The following ASIP variants were observed in gnomAD, a reference collection of about 807,000 sequenced individuals.
ASIP encodes agouti-signaling protein.
A neutral mutation model predicts 10.3 loss-of-function variants in ASIP; 11 were observed. The ratio of observed to expected loss-of-function variants is 1.07; its 90% CI spans 0.68 to 1.78. The LOEUF is 1.78. Ranked by LOEUF, ASIP falls within the 40% of genes most tolerant of loss-of-function variation. The pLI, the probability that ASIP is intolerant of heterozygous loss-of-function variation, is 0.00. For missense variants in ASIP, 180 were observed against 169.2 expected (o/e 1.06, Z -0.35); for synonymous variants, 70 against 70.8 (o/e 0.99, Z 0.06).
the ASIP span, among the ~76,000 whole-genome samples, chr20:34,187,014 G>C: frequency 2.0e-5 from 3 of 152,198 alleles, no homozygotes; most frequent in South Asian, 6.2e-4. Flanking sequence ...GGGTTTCACC[G>C]TGTTACCCAG....
chr20:34,197,513 TA>T (rs1468669639), intron 1 of ASIP, among the ~76,000 whole-genome samples: 2 of 152,202 alleles, frequency 1.3e-5, no homozygotes, highest in Admixed American at 1.3e-4. Flanking sequence ...AGTATTTATG[TA>T]AAATTGCCTC....
chr20:34,251,365 G>A (rs953937368), intron 1 of ASIP, among the ~76,000 whole-genome samples: 5 of 151,400 alleles, frequency 3.3e-5, no homozygotes, highest in East Asian at 3.9e-4. Flanking sequence ...CCACCTCCCC[G>A]GTTCACACCA....
At chr20:34,259,645 G>C (rs566521836) in intron 1 of ASIP, among the ~76,000 whole-genome samples, 1 of 152,188 alleles carries the variant, frequency 6.6e-6, no homozygotes, top group Admixed American at 6.5e-5. Context: ...ACTGGGGCAG[G>C]AGACTGAGGC....
At chr20:34,195,752 A>G (rs1197402050) in intron 1 of ASIP, among the ~76,000 whole-genome samples, 2 of 152,188 alleles carry the variant, frequency 1.3e-5, no homozygotes, top group Non-Finnish European at 2.9e-5. Context: ...TCAAGTACAT[A>G]AGGACAGATA....
chr20:34,249,598 C>A (rs1220298234), intron 1 of ASIP, among the ~76,000 whole-genome samples: 2 of 152,108 alleles, frequency 1.3e-5, no homozygotes, highest in Non-Finnish European at 2.9e-5. Flanking sequence ...TGGTTTAATG[C>A]TCTCCTGTCA....
At chr20:34,204,024 A>G (rs189144406) in intron 1 of ASIP, among the ~76,000 whole-genome samples, 32 of 152,272 alleles carry the variant, frequency 2.1e-4, no homozygotes, top group Middle Eastern at 3.4e-3. Flanking sequence ...ACGCCCGGCC[A>G]TAAATGGCAT....
At chr20:34,253,447 TTTTATTTA>T (rs36107431) in intron 1 of ASIP, among the ~76,000 whole-genome samples, 120 of 103,810 alleles carry the variant, frequency 1.2e-3, no homozygotes, top group Admixed American at 2.3e-3. Context: ...TTTTATTTTA[TTTTATTTA>T]TTTATTTATT....
chr20:34,206,646 T>G (rs1435366516), intron 1 of ASIP, among the ~76,000 whole-genome samples: 1 of 152,222 alleles, frequency 6.6e-6, no homozygotes, highest in Non-Finnish European at 1.5e-5. Flanking sequence ...TGGTGCAATC[T>G]TGGCTCACTG....
At chr20:34,205,686 G>A (rs190512132) in intron 1 of ASIP, among the ~76,000 whole-genome samples, 7 of 140,672 alleles carry the variant, frequency 5.0e-5, no homozygotes, top group South Asian at 2.3e-4. Flanking sequence ...TTTACAGAGC[G>A]CTGATTTTGC....
chr20:34,239,575 C>T (rs1334501497), upstream of ASIP, among the ~76,000 whole-genome samples: 3 of 152,146 alleles, frequency 2.0e-5, no homozygotes, highest in Non-Finnish European at 2.9e-5. Flanking sequence ...GTTTTCAAGG[C>T]GTCTACATTA....
chr20:34,238,404 G>A (rs1407018267), upstream of ASIP, among the ~76,000 whole-genome samples: 1 of 152,084 alleles, frequency 6.6e-6, no homozygotes, highest in African/African-American at 2.4e-5. Flanking sequence ...AGTTCATTGA[G>A]TCTCTCTTCT....
At chr20:34,235,704 A>G (rs2035172202) in intron 1 of ASIP, among the ~76,000 whole-genome samples, 1 of 149,730 alleles carries the variant, frequency 6.7e-6, no homozygotes, top group Non-Finnish European at 1.5e-5. Flanking sequence ...GGATTGCTAG[A>G]GCCCAGGAAG....
At chr20:34,207,313 A>G (rs1258905967) in intron 1 of ASIP, among the ~76,000 whole-genome samples, 1 of 152,160 alleles carries the variant, frequency 6.6e-6, no homozygotes, top group African/African-American at 2.4e-5. Flanking sequence ...GATATTGACT[A>G]TTTACTCATA....
chr20:34,198,830 G>A (rs1440422710), intron 1 of ASIP, among the ~76,000 whole-genome samples: 1 of 152,090 alleles, frequency 6.6e-6, no homozygotes, highest in Non-Finnish European at 1.5e-5. Flanking sequence ...ACAGAAAAGT[G>A]TTCATATCGA....
chr20:34,266,993 C>A (rs534838221), intron 3 of ASIP, among the ~76,000 whole-genome samples: 1 of 152,174 alleles, frequency 6.6e-6, no homozygotes, highest in South Asian at 2.1e-4. Context: ...GAGGTAGGAT[C>A]TGGCACTGTG....
intron 1 of ASIP, among the ~76,000 whole-genome samples, chr20:34,243,305 G>A (rs533033608): frequency 1.3e-5 from 2 of 152,300 alleles, no homozygotes; most frequent in African/African-American, 4.8e-5. Context: ...GTTGTCTACA[G>A]AAGATTCAAA....
chr20:34,215,202 C>A (rs914153382), intron 1 of ASIP: 1 of 1,600,344 alleles, frequency 6.2e-7, no homozygotes, highest in African/African-American at 1.3e-5. Flanking sequence ...TATGACCTAG[C>A]AGCATATTTA....
upstream of ASIP, among the ~76,000 whole-genome samples, chr20:34,193,867 T>C (rs1374769841): frequency 6.6e-6 from 1 of 152,212 alleles, no homozygotes; most frequent in Non-Finnish European, 1.5e-5. Flanking sequence ...TTTTATCTCA[T>C]GGCATCCGAG....
At chr20:34,195,585 T>G (rs2034850147) in intron 1 of ASIP, among the ~76,000 whole-genome samples, 1 of 152,158 alleles carries the variant, frequency 6.6e-6, no homozygotes, top group African/African-American at 2.4e-5. Flanking sequence ...TTTGATTTGG[T>G]CACTCCAACA....
Sources: gnomAD v4.1 joint callset for allele counts (sites outside exome capture counted in the v4.1 genomes callset) on GRCh38, gnomAD v4.1.1 for gene constraint, MANE v1.5 for transcripts, NCBI Gene and HGNC (gene_info 2026-07-23, HGNC 2026-07-21) for gene names.